PHF24: variants seen among roughly 807,000 people sequenced by gnomAD.
PHF24 encodes PHD finger protein 24.
In PHF24, 25 loss-of-function variants were observed where a neutral mutation model predicts 42.6. The ratio of observed to expected loss-of-function variants is 0.59; its 90% CI spans 0.43 to 0.82. The LOEUF (loss-of-function observed/expected upper bound fraction) is 0.82. PHF24 is among the 40% of genes least tolerant of loss of function. The probability of loss-of-function intolerance (pLI) is 0.00; values close to 1 mark genes in which losing one functional copy is unlikely to be tolerated. For missense variants in PHF24, 470 were observed against 538.1 expected, an observed-to-expected ratio of 0.87 and a Z score of 1.25; for synonymous variants, 185 against 204.8, an observed-to-expected ratio of 0.90 and a Z score of 0.83.
At chr9:34,794,776 A>G in the PHF24 span, among the ~76,000 whole-genome samples, 1 of 152,194 alleles carries the variant, frequency 6.6e-6, no homozygotes, top group Non-Finnish European at 1.5e-5. Context: ...TTCAATTTAG[A>G]CAACACAGAA....
the PHF24 span, among the ~76,000 whole-genome samples, chr9:34,672,094 A>C: frequency 6.6e-6 from 1 of 152,200 alleles, no homozygotes; most frequent in Non-Finnish European, 1.5e-5. Context: ...CAAATCTATG[A>C]AGTGGATTGC....
chr9:34,810,449 C>T, the PHF24 span, among the ~76,000 whole-genome samples: 1 of 152,162 alleles, frequency 6.6e-6, no homozygotes, highest in South Asian at 2.1e-4. Context: ...CTTAGGGAGC[C>T]CTTCTGTGTC....
chr9:34,947,784 A>T, the PHF24 span, among the ~76,000 whole-genome samples: 1 of 152,160 alleles, frequency 6.6e-6, no homozygotes. Flanking sequence ...TTAAGAAAAA[A>T]GTTTAAAAAG....
the PHF24 span, among the ~76,000 whole-genome samples, chr9:34,808,834 G>A: frequency 2.8e-5 from 4 of 144,838 alleles, no homozygotes; most frequent in Non-Finnish European, 6.0e-5. Context: ...CTATTACAAG[G>A]GCAATTAAAT....
At chr9:34,854,373 T>C in the PHF24 span, among the ~76,000 whole-genome samples, 1 of 152,158 alleles carries the variant, frequency 6.6e-6, no homozygotes, top group Non-Finnish European at 1.5e-5. Flanking sequence ...TGCTAGGTTG[T>C]TGATTTGAGA....
At chr9:34,809,729 C>T in the PHF24 span, among the ~76,000 whole-genome samples, 1 of 152,336 alleles carries the variant, frequency 6.6e-6, no homozygotes, top group African/African-American at 2.4e-5. This position sits in a 1 kb window ranked among gnomAD's most constrained non-coding sequence, Gnocchi z 4.1. Context: ...CTCAGCCCTG[C>T]GCCCCCTCCG....
chr9:34,864,542 C>A, the PHF24 span, among the ~76,000 whole-genome samples: 1 of 152,112 alleles, frequency 6.6e-6, no homozygotes, highest in Non-Finnish European at 1.5e-5. Flanking sequence ...AATAGAATAG[C>A]TGGTGAAAAT....
chr9:34,874,797 A>G, the PHF24 span, among the ~76,000 whole-genome samples: 1 of 151,986 alleles, frequency 6.6e-6, no homozygotes, highest in East Asian at 1.9e-4. Flanking sequence ...CTCTTCTTAA[A>G]TTTTTATTAT....
the PHF24 span, among the ~76,000 whole-genome samples, chr9:34,805,803 G>A: frequency 3.3e-5 from 5 of 152,102 alleles, no homozygotes; most frequent in Admixed American, 6.5e-5. Flanking sequence ...CATTATGAAT[G>A]CTTTCCCTTA....
the PHF24 span, among the ~76,000 whole-genome samples, chr9:34,777,604 T>G: frequency 6.6e-6 from 1 of 152,194 alleles, no homozygotes; most frequent in Non-Finnish European, 1.5e-5. Context: ...TACTTGTGCC[T>G]CAGCCCTTGC....
At chr9:34,746,281 A>G in the PHF24 span, among the ~76,000 whole-genome samples, 6 of 152,218 alleles carry the variant, frequency 3.9e-5, no homozygotes, top group African/African-American at 9.7e-5. Flanking sequence ...TGATTGAACT[A>G]TGGTGATCTG....
the PHF24 span, among the ~76,000 whole-genome samples, chr9:34,764,835 T>A: frequency 2.0e-5 from 3 of 151,766 alleles, no homozygotes; most frequent in African/African-American, 7.3e-5. Flanking sequence ...TTGTGGGCAT[T>A]TAGTGCTATA....
At chr9:34,776,435 C>T in the PHF24 span, among the ~76,000 whole-genome samples, 524 of 152,246 alleles carry the variant, frequency 3.4e-3, 4 homozygotes, top group African/African-American at 0.012. Flanking sequence ...AAATACTTAT[C>T]TTCAAGTTTA....
Position 34,971,255 on chromosome 9 carries a change from C to T in PHF24, c.-4-40C>T, listed in dbSNP as rs770557190. 3.9e-6 allele frequency: 6 copies of T among 1,548,730 alleles called. No homozygotes were observed. The African/African-American group carries it at 4.1e-5, about 11-fold the overall frequency. On this transcript the variant is annotated intron_variant, in intron 1 of 7. Coordinates refer to ENST00000242315, the Ensembl canonical transcript of PHF24. ...AAACTGATTAGCCTGACATCCTCAG[C>T]CATTGGCTGAACCTGTGCCCCTCTG...
the PHF24 span, among the ~76,000 whole-genome samples, chr9:34,761,264 T>G: frequency 6.6e-6 from 1 of 152,194 alleles, no homozygotes; most frequent in Non-Finnish European, 1.5e-5. Context: ...ATTGAAACTT[T>G]AAATAATCGG....
At chr9:34,924,519 A>G in the PHF24 span, among the ~76,000 whole-genome samples, 2 of 152,168 alleles carry the variant, frequency 1.3e-5, no homozygotes, top group Non-Finnish European at 2.9e-5. Context: ...TTTTCAACAT[A>G]TAATATGACC....
the PHF24 span, among the ~76,000 whole-genome samples, chr9:34,909,768 T>C: frequency 8.9e-3 from 1,360 of 152,108 alleles, 9 homozygotes; most frequent in Non-Finnish European, 0.014. Context: ...ACTACAGGCA[T>C]CCGCCACCAT....
the PHF24 span, among the ~76,000 whole-genome samples, chr9:34,884,007 C>T: frequency 6.6e-6 from 1 of 152,178 alleles, no homozygotes; most frequent in Non-Finnish European, 1.5e-5. Flanking sequence ...AAATGTGGCA[C>T]ATATACACCA....
chr9:34,823,650 G>A, the PHF24 span, among the ~76,000 whole-genome samples: 2 of 152,088 alleles, frequency 1.3e-5, no homozygotes, highest in Non-Finnish European at 2.9e-5. Context: ...CAAAGGAAAG[G>A]GGGGAAGCTT....
Sources: gnomAD v4.1 joint callset for allele counts (sites outside exome capture counted in the v4.1 genomes callset) on GRCh38, gnomAD v4.1.1 for gene constraint, Gnocchi (gnomAD v3.1) non-coding constraint, MANE v1.5 for transcripts, NCBI Gene and HGNC (gene_info 2026-07-23, HGNC 2026-07-21) for gene names.